PDZD2: variants seen among roughly 807,000 people sequenced by gnomAD.
PDZD2 encodes PDZ domain containing 2.
In PDZD2, 90 loss-of-function variants were observed where a neutral mutation model predicts 220.7. The observed-to-expected ratio is 0.41, with a 90% CI of 0.34 to 0.49. The LOEUF is 0.49. PDZD2 is among the 20% of genes least tolerant of loss of function. The pLI, the probability that PDZD2 is intolerant of heterozygous loss-of-function variation, is 0.28. For synonymous variants in PDZD2, 1,375 were observed against 1,450.5 expected, an observed-to-expected ratio of 0.95 and a Z score of 1.18; for missense variants, 3,174 against 3,608.5, an observed-to-expected ratio of 0.88 and a Z score of 3.08.
At chr5:32,095,945 G>A (rs377641283) in intron 21 of PDZD2, among the ~76,000 whole-genome samples, 18 of 143,970 alleles carry the variant, frequency 1.3e-4, no homozygotes, top group Admixed American at 6.4e-4. Flanking sequence ...GGGTTTCACC[G>A]TGTTAGCCAG....
rs147870331 is a variant in PDZD2, at chr5:31,903,150, C to T, written c.477-80005C>T. 1.4e-4 allele frequency among the ~76,000 whole-genome samples: 21 copies of T among 151,750 alleles called. No homozygotes were observed. The East Asian group carries it at 3.7e-3, about 27-fold the overall frequency. ...TCTTTCCTATATACAAAAAATTAGC[C>T]GGGCGTGGTACTGCATGCCTGTAAT... On this transcript the variant is annotated intron_variant, in intron 2 of 24. Coordinates refer to ENST00000438447, the MANE Select transcript of PDZD2 (RefSeq NM_178140.4).
chr5:31,780,796 T>A (rs1753020420), intron 1 of PDZD2, among the ~76,000 whole-genome samples: 1 of 152,130 alleles, frequency 6.6e-6, no homozygotes, highest in African/African-American at 2.4e-5. Context: ...TCCCTCTCAC[T>A]CTGTGATCCC....
intron 2 of PDZD2, among the ~76,000 whole-genome samples, chr5:31,947,514 C>T (rs1008135634): frequency 3.3e-5 from 5 of 152,290 alleles, no homozygotes; most frequent in South Asian, 2.1e-4. Flanking sequence ...TCTGTGCTAC[C>T]TCCCTTACAA....
intron 1 of PDZD2, among the ~76,000 whole-genome samples, chr5:31,752,249 T>C (rs1444049737): frequency 1.3e-5 from 2 of 151,776 alleles, no homozygotes; most frequent in Admixed American, 1.3e-4. Context: ...CGGCTAGTTT[T>C]TAAAATTTTT....
intron 7 of PDZD2, among the ~76,000 whole-genome samples, chr5:32,047,316 C>T (rs1024986689): frequency 3.3e-5 from 5 of 152,156 alleles, no homozygotes; most frequent in Admixed American, 1.3e-4. Context: ...TGTGGAGATT[C>T]TAGAACTTCC....
intron 2 of PDZD2, among the ~76,000 whole-genome samples, chr5:31,976,993 TG>T (rs1256196821): frequency 6.6e-6 from 1 of 151,168 alleles, no homozygotes; most frequent in African/African-American, 2.4e-5. Context: ...TGGAATTACA[TG>T]CGTGAGCCAA....
At chr5:31,657,004 G>T (rs1409956687) in intron 1 of PDZD2, among the ~76,000 whole-genome samples, 9 of 152,190 alleles carry the variant, frequency 5.9e-5, no homozygotes, top group African/African-American at 1.4e-4. Flanking sequence ...TAACATCTTT[G>T]TGGCTCTTTG....
intron 2 of PDZD2, among the ~76,000 whole-genome samples, chr5:31,809,569 T>C (rs1451281381): frequency 1.3e-5 from 2 of 152,212 alleles, no homozygotes; most frequent in Non-Finnish European, 2.9e-5. Context: ...AGAGGGGAGT[T>C]ATTCGTCCCC....
At chr5:31,807,324 G>A (rs992903402) in intron 2 of PDZD2, among the ~76,000 whole-genome samples, 3 of 152,200 alleles carry the variant, frequency 2.0e-5, no homozygotes, top group Admixed American at 6.5e-5. Context: ...GACCTACTTA[G>A]TGGGTGTGTG....
At chr5:31,699,744 C>T (rs1183355635) in intron 1 of PDZD2, among the ~76,000 whole-genome samples, 4 of 151,736 alleles carry the variant, frequency 2.6e-5, no homozygotes, top group Non-Finnish European at 5.9e-5. Flanking sequence ...GCTGGGATTC[C>T]AGGCATACTA....
intron 14 of PDZD2, 58 bp downstream of exon 14, chr5:32,061,192 GTA>G (rs1387666019): frequency 5.1e-6 from 8 of 1,559,370 alleles, no homozygotes; most frequent in African/African-American, 1.4e-5. Flanking sequence ...CTAGGATATC[GTA>G]TACTCTTTGG....
chr5:31,675,710 A>G (rs1000720069), intron 1 of PDZD2, among the ~76,000 whole-genome samples: 14 of 151,744 alleles, frequency 9.2e-5, no homozygotes, highest in African/African-American at 3.1e-4. Context: ...TTATTTTTTT[A>G]TTTTTAGACG....
At chr5:31,959,080 G>A (rs1014722237) in intron 2 of PDZD2, among the ~76,000 whole-genome samples, 22 of 151,698 alleles carry the variant, frequency 1.5e-4, no homozygotes, top group Admixed American at 1.4e-3. Context: ...CTACAAGCGT[G>A]TGCCACCATG....
chr5:32,007,855 G>A (rs1752957619), intron 5 of PDZD2, among the ~76,000 whole-genome samples: 3 of 152,140 alleles, frequency 2.0e-5, no homozygotes, highest in South Asian at 2.1e-4. Flanking sequence ...GCATTTCCCC[G>A]GAGGGCTCTG....
rs1366065320 is a variant in PDZD2 at position 31,734,881 on chromosome 5, A to G, written c.-360-64008A>G. 3.3e-5 allele frequency among the ~76,000 whole-genome samples: 5 copies of G among 152,354 alleles called. No homozygotes were observed. In the East Asian group the frequency reaches 9.6e-4, roughly 29 times the overall value. Reference sequence around the variant, plus strand: ...AGAGACTTCAAGCGTTTTAGGAGCTATGCCAGCAACGAAGAGCAAATATGT... The same window carrying G: ...AGAGACTTCAAGCGTTTTAGGAGCTGTGCCAGCAACGAAGAGCAAATATGT... On this transcript the variant is annotated intron_variant, in intron 1 of 24. Coordinates refer to ENST00000438447, the MANE Select transcript of PDZD2 (RefSeq NM_178140.4).
chr5:31,799,281 C>T lies in PDZD2; in HGVS notation c.33C>T (p.His11=), dbSNP rs1298119758. 2.5e-6 allele frequency: 4 copies of T among 1,611,694 alleles called. No homozygotes were observed. In the South Asian group the frequency reaches 3.3e-5, roughly 13 times the overall value. ...TCACCCAGGACAATGCCGTGCTGCA[C>T]CTGCCCCTCCTCTACCAGTGGCTGC... MPITQDNAVL[H]LPLLYQWLQN... Residue 11 remains histidine (H), a synonymous_variant, in exon 2 of 25, where the codon CAC becomes CAT. Coordinates refer to ENST00000438447, the MANE Select transcript of PDZD2 (RefSeq NM_178140.4).
At chr5:31,675,209 T>G (rs1746360687) in intron 1 of PDZD2, among the ~76,000 whole-genome samples, 1 of 152,358 alleles carries the variant, frequency 6.6e-6, no homozygotes, top group Non-Finnish European at 1.5e-5. Flanking sequence ...CTGGGCACTT[T>G]TGCTCTCATT....
At chr5:31,993,348 C>G (rs2111952187) in intron 3 of PDZD2, among the ~76,000 whole-genome samples, 1 of 151,508 alleles carries the variant, frequency 6.6e-6, no homozygotes, top group East Asian at 1.9e-4. Flanking sequence ...AGCGTCTGTT[C>G]CTGGGATAGC....
At chr5:32,003,860 C>CG (rs1752594688) in intron 5 of PDZD2, among the ~76,000 whole-genome samples, 1 of 152,024 alleles carries the variant, frequency 6.6e-6, no homozygotes, top group Non-Finnish European at 1.5e-5. Context: ...TACAGGTGCC[C>CG]ACCACCACGT....
Sources: allele counts gnomAD v4.1 joint callset (sites outside exome capture counted in the v4.1 genomes callset), GRCh38; gene constraint gnomAD v4.1.1; transcripts MANE v1.5; gene names NCBI Gene and HGNC (gene_info 2026-07-23, HGNC 2026-07-21).